AFF3: variants seen among roughly 807,000 people sequenced by gnomAD.
The protein encoded by AFF3 is AF4/FMR2 family member 3.
A neutral mutation model predicts 129.7 loss-of-function variants in AFF3; 32 were observed. The ratio of observed to expected loss-of-function variants is 0.25; its 90% CI spans 0.19 to 0.33. The LOEUF (loss-of-function observed/expected upper bound fraction) is 0.33, where lower values mean the gene tolerates loss of function less well. Among genes scored for constraint, AFF3 ranks in the 10% least tolerant of loss-of-function variants. AFF3 has a pLI of 1.00. For synonymous variants in AFF3, 644 were observed against 635.4 expected (o/e 1.01, Z -0.20); for missense variants, 1,373 against 1,592.0 (o/e 0.86, Z 2.34).
chr2:99,731,285 A>G (rs539619747), intron 10 of AFF3, among the ~76,000 whole-genome samples: 266 of 152,268 alleles, frequency 1.7e-3, no homozygotes, highest in African/African-American at 6.2e-3. Context: ...AGATGTACCA[A>G]CTTTAGACAG....
chr2:100,060,205 G>A (rs1265370037), intron 4 of AFF3, among the ~76,000 whole-genome samples: 1 of 152,114 alleles, frequency 6.6e-6, no homozygotes, highest in African/African-American at 2.4e-5. Flanking sequence ...ACTTGAAGAA[G>A]TTGGAAAAAT....
chr2:100,118,484 C>A (rs13022707), intron 2 of AFF3, among the ~76,000 whole-genome samples: 30,860 of 152,086 alleles, frequency 0.2, 4,023 homozygotes, highest in East Asian at 0.57. Context: ...AATGAAATAA[C>A]ATTGCAAAGT....
At chr2:99,573,209 C>G (rs1676665804) in intron 18 of AFF3, among the ~76,000 whole-genome samples, 1 of 152,168 alleles carries the variant, frequency 6.6e-6, no homozygotes, top group South Asian at 2.1e-4. Context: ...TCTGAATGTC[C>G]TTGTCTCCGC....
chr2:99,675,840 T>C (rs1687558420), intron 11 of AFF3, among the ~76,000 whole-genome samples: 1 of 152,196 alleles, frequency 6.6e-6, no homozygotes, highest in South Asian at 2.1e-4. Flanking sequence ...CTGGGGAACA[T>C]TTTTATCATT....
chr2:99,832,833 C>T (rs982695522), intron 8 of AFF3, among the ~76,000 whole-genome samples: 2 of 152,108 alleles, frequency 1.3e-5, no homozygotes, highest in African/African-American at 2.4e-5. Context: ...ATATTAATGG[C>T]GCACCTCTAC....
chr2:99,556,159 G>A (rs1674896732), intron 22 of AFF3, among the ~76,000 whole-genome samples: 1 of 152,174 alleles, frequency 6.6e-6, no homozygotes, highest in Admixed American at 6.5e-5. Flanking sequence ...GCTACTGAAT[G>A]GAGGAAGAAG....
intron 20 of AFF3, among the ~76,000 whole-genome samples, chr2:99,563,865 T>C (rs986519722): frequency 1.3e-5 from 2 of 151,864 alleles, no homozygotes; most frequent in African/African-American, 4.8e-5. Flanking sequence ...ATTTGTCTTT[T>C]TGTCTTTGTT....
intron 7 of AFF3, among the ~76,000 whole-genome samples, chr2:99,921,761 A>C (rs1440510433): frequency 1.3e-5 from 2 of 152,124 alleles, no homozygotes; most frequent in Non-Finnish European, 2.9e-5. Context: ...TACCATCAAA[A>C]GAATAAACAA....
intron 22 of AFF3, among the ~76,000 whole-genome samples, chr2:99,556,642 G>A (rs546336140): frequency 2.0e-4 from 31 of 152,250 alleles, no homozygotes; most frequent in Admixed American, 1.7e-3. Flanking sequence ...AGCCCTTGAG[G>A]CTGGGTGTAT....
At chr2:100,020,879 C>T (rs115782754) in intron 4 of AFF3, among the ~76,000 whole-genome samples, 297 of 152,312 alleles carry the variant, frequency 1.9e-3, no homozygotes, top group African/African-American at 6.8e-3. Flanking sequence ...GTTCCTCCCC[C>T]GTCAAGCCAG....
chr2:99,851,859 T>C (rs1690169748), intron 7 of AFF3, among the ~76,000 whole-genome samples: 1 of 152,196 alleles, frequency 6.6e-6, no homozygotes, highest in South Asian at 2.1e-4. Context: ...GGTCCTTTTC[T>C]AGATATAGCA....
intron 2 of AFF3, chr2:100,106,799 G>T: frequency 1.0e-6 from 1 of 985,516 alleles, no homozygotes; most frequent in Non-Finnish European, 1.2e-6. Flanking sequence ...CGAGTCCCAT[G>T]CTGGGCCTGG....
At chr2:99,605,743 A>G (rs2105132214) in intron 13 of AFF3, among the ~76,000 whole-genome samples, 1 of 152,312 alleles carries the variant, frequency 6.6e-6, no homozygotes, top group African/African-American at 2.4e-5. Flanking sequence ...GGAGTGCAGT[A>G]GTGGTCATAG....
At chr2:100,020,571 C>A (rs1239291063) in intron 4 of AFF3, among the ~76,000 whole-genome samples, 1 of 152,166 alleles carries the variant, frequency 6.6e-6, no homozygotes, top group Non-Finnish European at 1.5e-5. Flanking sequence ...CCAGCCTCTA[C>A]TTGTTGCCTG....
At chr2:99,567,389 C>G (rs1182979580) in intron 19 of AFF3, among the ~76,000 whole-genome samples, 1 of 152,142 alleles carries the variant, frequency 6.6e-6, no homozygotes, top group Non-Finnish European at 1.5e-5. Context: ...AGCGAAAGCT[C>G]TTTCCAGGAA....
intron 4 of AFF3, among the ~76,000 whole-genome samples, chr2:100,085,121 T>C (rs1476838198): frequency 4.0e-5 from 6 of 149,724 alleles, no homozygotes; most frequent in Non-Finnish European, 8.9e-5. Flanking sequence ...TATCACGCTT[T>C]GTCGAATATA....
rs112164468 is a variant in AFF3, at chr2:99,892,102, A to G, written c.874-54578T>C. Among the ~76,000 whole-genome samples, 94 of 152,134 alleles carry G rather than the reference A, an allele frequency of 6.2e-4. 1 individual carries two copies. The highest frequency in any genetic ancestry group is 1.2e-3 in the South Asian group (6 of 4,808). ...CTCCCAAAGTGCTGGGATTACAGGC[A>G]TGAGCCACCACACCCGGCCAAAGCC... On this transcript the variant is annotated intron_variant, in intron 7 of 24. Transcript: ENST00000672756.
intron 18 of AFF3, 129 bp downstream of exon 18, chr2:99,578,198 C>G (rs1677172471): frequency 3.0e-6 from 4 of 1,313,432 alleles, no homozygotes; most frequent in Non-Finnish European, 4.1e-6. Context: ...TTTAAATGAC[C>G]AAGTCCCAGG....
At chr2:99,553,053 C>G (rs1215417695) in intron 24 of AFF3, among the ~76,000 whole-genome samples, 1 of 152,178 alleles carries the variant, frequency 6.6e-6, no homozygotes, top group African/African-American at 2.4e-5. Context: ...TCTCCTGCCT[C>G]AGCCCCCTGA....
Sources: gnomAD v4.1 joint callset for allele counts (sites outside exome capture counted in the v4.1 genomes callset) on GRCh38, gnomAD v4.1.1 for gene constraint, MANE v1.5 for transcripts, NCBI Gene and HGNC (gene_info 2026-07-23, HGNC 2026-07-21) for gene names.